Variants in CRACDL observed in about 807,000 individuals in gnomAD.
CRACDL encodes CRACD-like protein.
In CRACDL, 26 loss-of-function variants were observed where a neutral mutation model predicts 70.6. The ratio of observed to expected loss-of-function variants is 0.37; its 90% CI spans 0.27 to 0.51. CRACDL has a LOEUF of 0.51. Ranked by LOEUF, CRACDL falls within the 20% of genes least tolerant of loss-of-function variation. The pLI, the probability that CRACDL is intolerant of heterozygous loss-of-function variation, is 0.94. For missense variants in CRACDL, 1,283 were observed against 1,376.9 expected (o/e 0.93, Z 1.08); for synonymous variants, 618 against 615.2 (o/e 1.00, Z -0.07).
Position 98,794,514 on chromosome 2 carries a change from T to C in CRACDL, c.*18A>G, listed in dbSNP as rs202214577. On this transcript the variant is annotated 3_prime_UTR_variant, in exon 10 of 10. Transcript: ENST00000397899. Reference sequence around the variant, plus strand: ...GCTTGTCAGGGTAGTGGACATGCTTTATCAGCACACTGCCCACCTATTTTA... The same window carrying C: ...GCTTGTCAGGGTAGTGGACATGCTTCATCAGCACACTGCCCACCTATTTTA... The C allele has an allele frequency of 2.5e-6, 4 of 1,611,964 alleles. No individual in the cohort carries two copies. Among genetic ancestry groups the C allele is most frequent in the Non-Finnish European group, 2.5e-6 (3 of 1,178,328 alleles).
chr2:98,848,680 C>T lies in CRACDL; in HGVS notation c.-10-1870G>A, dbSNP rs1427000882. On this transcript the variant is annotated intron_variant, in intron 1 of 9. Coordinates refer to ENST00000397899, the MANE Select transcript of CRACDL (RefSeq NM_207362.3). ...CTCACTGCATCCTCAACCTCCTGGGCTCAAGAGATCCTCCCACCTCAGCCC... is the reference window on the plus strand; with the variant it reads ...CTCACTGCATCCTCAACCTCCTGGGTTCAAGAGATCCTCCCACCTCAGCCC... Among the ~76,000 whole-genome samples, 3 of 152,290 alleles carry T rather than the reference C, an allele frequency of 2.0e-5. No homozygotes were observed. In the East Asian group the frequency reaches 5.8e-4, roughly 29 times the overall value.
chr2:98,934,574 A>G (rs1304865856), intron 1 of CRACDL, among the ~76,000 whole-genome samples: 1 of 152,194 alleles, frequency 6.6e-6, no homozygotes, highest in Admixed American at 6.5e-5. Context: ...TGAGCCCCAC[A>G]TGACGCATCC....
In CRACDL at chr2:98,911,594, C is replaced by T. The variant is rs552868252; in HGVS notation, c.-11+24344G>A. On this transcript the variant is annotated intron_variant, in intron 1 of 9. Coordinates refer to ENST00000397899, the MANE Select transcript of CRACDL (RefSeq NM_207362.3). Reference sequence around the variant, plus strand: ...GGGGTGCCAGTGCCAGGAAGGGAGGCGCCTGAAGGACAGTGTGCTCCCAAG... The same window carrying T: ...GGGGTGCCAGTGCCAGGAAGGGAGGTGCCTGAAGGACAGTGTGCTCCCAAG... 9.7e-4 allele frequency among the ~76,000 whole-genome samples: 148 copies of T among 152,258 alleles called. 3 individuals carry two copies. The highest frequency in any genetic ancestry group is 1.0e-3 in the Non-Finnish European group (70 of 68,024).
chr2:98,877,391 G>A (rs557715219), intron 1 of CRACDL, among the ~76,000 whole-genome samples: 8 of 152,290 alleles, frequency 5.3e-5, no homozygotes, highest in South Asian at 2.1e-4. Flanking sequence ...AGATTATAAC[G>A]GAGCTGGGAA....
chr2:98,797,631 G>T (rs1357896508), intron 7 of CRACDL, 94 bp from the exon 8 acceptor site: 5 of 1,229,286 alleles, frequency 4.1e-6, no homozygotes, highest in Non-Finnish European at 5.8e-6. Context: ...TACTGCTTTG[G>T]TTCAGGGTTG....
At chr2:98,803,167 T>C (rs555015948) in intron 7 of CRACDL, among the ~76,000 whole-genome samples, 4 of 152,026 alleles carry the variant, frequency 2.6e-5, no homozygotes, top group African/African-American at 9.6e-5. Context: ...GCTCAGCTAA[T>C]TTTTTGTATT....
chr2:98,894,404 G>A (rs1708063602), intron 1 of CRACDL, among the ~76,000 whole-genome samples: 1 of 152,208 alleles, frequency 6.6e-6, no homozygotes, highest in Admixed American at 6.5e-5. Context: ...ATGAACCTGA[G>A]AGGCTGGGCA....
At chr2:98,808,489 C>G (rs1198932137) in intron 7 of CRACDL, among the ~76,000 whole-genome samples, 1 of 152,136 alleles carries the variant, frequency 6.6e-6, no homozygotes, top group Non-Finnish European at 1.5e-5. Flanking sequence ...TGTCCCCTTT[C>G]TGGGGACAAC....
At chr2:98,840,047 C>T (rs1313344725) in intron 2 of CRACDL, among the ~76,000 whole-genome samples, 1 of 152,048 alleles carries the variant, frequency 6.6e-6, no homozygotes, top group East Asian at 1.9e-4. Flanking sequence ...TTCCTACTTT[C>T]TGCAGGTTTA....
At chr2:98,861,492 GT>G (rs1558608181) in intron 1 of CRACDL, among the ~76,000 whole-genome samples, 1 of 152,188 alleles carries the variant, frequency 6.6e-6, no homozygotes, top group Non-Finnish European at 1.5e-5. Context: ...AATGTAAAAT[GT>G]AGCAGGTACT....
chr2:98,832,476 G>A lies in CRACDL; in HGVS notation c.412C>T (p.Pro138Ser). 6 of 1,612,452 alleles carry A rather than the reference G, an allele frequency of 3.7e-6. No homozygotes were observed. Among genetic ancestry groups the A allele is most frequent in the Non-Finnish European group, 3.4e-6 (4 of 1,178,976 alleles). ...IQCNVKMGPPPPPGGLPAKRG... is the reference protein window; with the variant it reads ...IQCNVKMGPPSPPGGLPAKRG... ...TTGGCAGGAAGCCCCCCTGGAGGAG[G>A]TGGTGGCCCCATTTTCACATTACAC... Residue 138 changes from proline to serine, a missense_variant, in exon 5 of 10, where the codon CCT (proline) becomes TCT (serine). By Grantham distance (74) the Pro-to-Ser change is moderately conservative (BLOSUM62 -1). Coordinates refer to ENST00000397899, the MANE Select transcript of CRACDL (RefSeq NM_207362.3).
At chr2:98,808,252 C>A (rs992085540) in intron 7 of CRACDL, among the ~76,000 whole-genome samples, 10 of 152,130 alleles carry the variant, frequency 6.6e-5, no homozygotes, top group African/African-American at 2.4e-4. Flanking sequence ...GTTTGAGAAG[C>A]GCCGCTGTCC....
chr2:98,797,402 C>T lies in CRACDL; in HGVS notation c.2552G>A (p.Arg851Gln), dbSNP rs754312652. ...CTTTCCTGGTTCAGACTTCAGGGTC[C>T]GTGCCCCAGGCTTGTCTTCCTGGTT... Reference protein sequence around the residue: ...PPNQEDKPGARTLKSEPGKQA... With the variant: ...PPNQEDKPGAQTLKSEPGKQA... Residue 851 changes from arginine (R) to glutamine (Q), a missense_variant, in exon 8 of 10, where the codon CGG (arginine) becomes CAG (glutamine). Physicochemically the swap from Arg to Gln is conservative, Grantham distance 43. Around this residue, in one of 2 missense-constraint regions of CRACDL, gnomAD observed 921 missense variants for 881.9 expected, o/e 1.04. Transcript: ENST00000397899. 8.1e-6 allele frequency: 13 copies of T among 1,614,222 alleles called. No homozygotes were observed. Among genetic ancestry groups the T allele is most frequent in the Admixed American group, 5.0e-5 (3 of 60,022 alleles).
At chr2:98,809,789 G>A (rs1420041390) in intron 7 of CRACDL, 4 of 152,164 alleles carry the variant, frequency 2.6e-5, no homozygotes, top group Admixed American at 1.3e-4. Context: ...GCTGAGATGA[G>A]AATATTTTAG....
At chr2:98,925,902 C>A (rs577830510) in intron 1 of CRACDL, among the ~76,000 whole-genome samples, 469 of 152,184 alleles carry the variant, frequency 3.1e-3, no homozygotes, top group Non-Finnish European at 5.3e-3. Context: ...CACACACACA[C>A]TTTATTAATT....
chr2:98,902,176 T>C (rs1296688825), intron 1 of CRACDL, among the ~76,000 whole-genome samples: 1 of 152,196 alleles, frequency 6.6e-6, no homozygotes, highest in Non-Finnish European at 1.5e-5. Flanking sequence ...GGGCAGCCCA[T>C]ACGGCACAAG....
At chr2:98,827,235 G>C (rs924695423) in intron 5 of CRACDL, 66 bp from the exon 6 acceptor site, 6 of 1,111,084 alleles carry the variant, frequency 5.4e-6, no homozygotes, top group South Asian at 1.3e-5. Context: ...GACGACCAAC[G>C]CAACAATGCT....
intron 5 of CRACDL, among the ~76,000 whole-genome samples, chr2:98,830,422 T>C (rs1331898855): frequency 6.6e-6 from 1 of 152,224 alleles, no homozygotes; most frequent in African/African-American, 2.4e-5. Flanking sequence ...CCCATACTTT[T>C]GGGGCTTAAG....
chr2:98,889,285 G>GAGAGAGAA (rs1553399211), intron 1 of CRACDL, among the ~76,000 whole-genome samples: 10 of 140,968 alleles, frequency 7.1e-5, no homozygotes, highest in East Asian at 2.2e-4. Context: ...GAAAAAGAGA[G>GAGAGAGAA]AGAAAGAAAG....
Sources: gnomAD v4.1 joint callset for allele counts (sites outside exome capture counted in the v4.1 genomes callset) on GRCh38, gnomAD v4.1.1 for gene constraint, gnomAD v4.1.1 regional missense constraint, MANE v1.5 for transcripts, NCBI Gene and HGNC (gene_info 2026-07-23, HGNC 2026-07-21) for gene names.